The following FRMD3 variants were observed in gnomAD, a reference collection of about 807,000 sequenced individuals.
The protein encoded by FRMD3 is FERM domain containing 3.
In FRMD3, 33 loss-of-function variants were observed where a neutral mutation model predicts 70.2. The observed-to-expected ratio is 0.47, with a 90% CI of 0.36 to 0.63. The LOEUF is 0.63. Ranked by LOEUF, FRMD3 falls within the 20% of genes least tolerant of loss-of-function variation. The probability of loss-of-function intolerance (pLI) is 0.00; values close to 1 mark genes in which losing one functional copy is unlikely to be tolerated. For synonymous variants in FRMD3, 279 were observed against 255.9 expected (o/e 1.09, Z -0.86); for missense variants, 632 against 711.4 (o/e 0.89, Z 1.27).
intron 5 of FRMD3, among the ~76,000 whole-genome samples, chr9:83,342,715 GATA>G (rs1489116507): frequency 1.1e-4 from 16 of 147,122 alleles, no homozygotes; most frequent in Non-Finnish European, 2.0e-4. Flanking sequence ...TAGATAGATA[GATA>G]GATAGATAGA....
intron 1 of FRMD3, among the ~76,000 whole-genome samples, chr9:83,522,520 A>C (rs1829594346): frequency 6.6e-6 from 1 of 151,554 alleles, no homozygotes; most frequent in African/African-American, 2.4e-5. Flanking sequence ...AATAAAAATA[A>C]ATAAGGAGAA....
At chr9:83,398,940 G>T (rs764979523) in intron 1 of FRMD3, among the ~76,000 whole-genome samples, 12 of 152,130 alleles carry the variant, frequency 7.9e-5, no homozygotes, top group Non-Finnish European at 1.8e-4. Flanking sequence ...AAAAACAAAG[G>T]CAAGACACAA....
At chr9:83,257,162 A>T (rs1440258693) in intron 13 of FRMD3, among the ~76,000 whole-genome samples, 1 of 152,226 alleles carries the variant, frequency 6.6e-6, no homozygotes, top group East Asian at 1.9e-4. Flanking sequence ...AAAATGTGGT[A>T]CATATATACC....
At chr9:83,297,591 A>C (rs1332526023) in intron 12 of FRMD3, 2 of 363,240 alleles carry the variant, frequency 5.5e-6, no homozygotes, top group Non-Finnish European at 1.1e-5. Context: ...TGCATTGAAT[A>C]AGTACAATTT....
chr9:83,367,436 C>T (rs1488335298), intron 3 of FRMD3, among the ~76,000 whole-genome samples: 1 of 152,146 alleles, frequency 6.6e-6, no homozygotes, highest in African/African-American at 2.4e-5. Context: ...AGAATACATG[C>T]AGCAACTATT....
intron 1 of FRMD3, among the ~76,000 whole-genome samples, chr9:83,402,138 G>A (rs1246217597): frequency 6.6e-6 from 1 of 151,322 alleles, no homozygotes. Flanking sequence ...TAAATGATTT[G>A]TGAGTATACA....
intron 1 of FRMD3, among the ~76,000 whole-genome samples, chr9:83,477,019 C>T (rs1587891763): frequency 6.6e-6 from 1 of 152,264 alleles, no homozygotes; most frequent in Non-Finnish European, 1.5e-5. Flanking sequence ...TAGTAAGCAC[C>T]TTTCAATAAT....
chr9:83,392,811 A>C (rs1825703406), intron 1 of FRMD3, among the ~76,000 whole-genome samples: 1 of 152,202 alleles, frequency 6.6e-6, no homozygotes, highest in African/African-American at 2.4e-5. Flanking sequence ...GTCTGTGTGC[A>C]GAAGTGGTTA....
intron 1 of FRMD3, among the ~76,000 whole-genome samples, chr9:83,401,610 T>A (rs542783656): frequency 7.9e-5 from 12 of 152,318 alleles, no homozygotes; most frequent in Admixed American, 7.8e-4. Flanking sequence ...AGCCAATGAA[T>A]ATTAGCAGGG....
At chr9:83,409,548 C>A (rs1012042474) in intron 1 of FRMD3, among the ~76,000 whole-genome samples, 3 of 152,206 alleles carry the variant, frequency 2.0e-5, no homozygotes, top group South Asian at 2.1e-4. Flanking sequence ...TGAGACTCTT[C>A]AGAGGAAATT....
At chr9:83,445,193 T>G (rs1310705747) in intron 1 of FRMD3, among the ~76,000 whole-genome samples, 1 of 152,112 alleles carries the variant, frequency 6.6e-6, no homozygotes, top group African/African-American at 2.4e-5. Context: ...CTAGCCAACA[T>G]GGTGAAACCC....
At chr9:83,422,827 A>G (rs541929748) in intron 1 of FRMD3, among the ~76,000 whole-genome samples, 6 of 152,352 alleles carry the variant, frequency 3.9e-5, no homozygotes, top group South Asian at 4.1e-4. Flanking sequence ...ATCAGCATGA[A>G]GAGGCGAAAA....
intron 1 of FRMD3, among the ~76,000 whole-genome samples, chr9:83,453,804 C>T (rs1827737554): frequency 6.7e-6 from 1 of 150,062 alleles, no homozygotes. Flanking sequence ...CAAGCTCTGC[C>T]TCCCAGGTTC....
intron 1 of FRMD3, among the ~76,000 whole-genome samples, chr9:83,405,555 A>C (rs1826075532): frequency 6.6e-6 from 1 of 151,686 alleles, no homozygotes; most frequent in Admixed American, 6.6e-5. Context: ...TGAGGTTGGG[A>C]GTTCGAGACC....
At chr9:83,512,068 T>G (rs1331798192) in intron 1 of FRMD3, among the ~76,000 whole-genome samples, 1 of 152,216 alleles carries the variant, frequency 6.6e-6, no homozygotes, top group Non-Finnish European at 1.5e-5. Context: ...CCACCAGCTC[T>G]GGGACTCATT....
At chr9:83,515,972 C>G (rs7037655) in intron 1 of FRMD3, among the ~76,000 whole-genome samples, 1 of 151,916 alleles carries the variant, frequency 6.6e-6, no homozygotes, top group Non-Finnish European at 1.5e-5. Context: ...GAAGGAAGCA[C>G]TAACTATGGG....
intron 13 of FRMD3, among the ~76,000 whole-genome samples, chr9:83,255,332 C>G (rs1832652362): frequency 6.6e-6 from 1 of 152,074 alleles, no homozygotes; most frequent in African/African-American, 2.4e-5. Context: ...ATTCAACTTC[C>G]CTTCATGTTA....
At chr9:83,501,399 T>C (rs1305697851) in intron 1 of FRMD3, among the ~76,000 whole-genome samples, 2 of 152,328 alleles carry the variant, frequency 1.3e-5, no homozygotes, top group African/African-American at 2.4e-5. Flanking sequence ...CTTATATACA[T>C]ATAAGGTACC....
intron 1 of FRMD3, among the ~76,000 whole-genome samples, chr9:83,509,692 C>G (rs149231706): frequency 6.6e-6 from 1 of 152,280 alleles, no homozygotes; most frequent in African/African-American, 2.4e-5. Context: ...CAAAACAGTT[C>G]CAAGGATGGG....
Sources: gnomAD v4.1 joint callset for allele counts (sites outside exome capture counted in the v4.1 genomes callset) on GRCh38, gnomAD v4.1.1 for gene constraint, MANE v1.5 for transcripts, NCBI Gene and HGNC (gene_info 2026-07-23, HGNC 2026-07-21) for gene names.